ZNRF3: variants seen among roughly 807,000 people sequenced by gnomAD.
The protein encoded by ZNRF3 is zinc and ring finger 3, also known as E3 ubiquitin-protein ligase ZNRF3.
Under a neutral mutation model 72.5 loss-of-function variants are expected in ZNRF3, and 23 were observed. That is an observed-to-expected ratio of 0.32 (90% CI 0.23 to 0.45). The LOEUF is 0.45. Among genes scored for constraint, ZNRF3 ranks in the 20% least tolerant of loss-of-function variants. The probability of loss-of-function intolerance (pLI) is 1.00; values close to 1 mark genes in which losing one functional copy is unlikely to be tolerated. For missense variants in ZNRF3, 1,169 were observed against 1,272.1 expected (o/e 0.92, Z 1.23); for synonymous variants, 610 against 545.3 (o/e 1.12, Z -1.65).
Position 29,043,377 on chromosome 22 carries a change from A to T in ZNRF3, c.580A>T (p.Ile194Phe). Reference protein sequence around the residue: ...KGADAIKLMNIVNKQKVARAR... With the variant: ...KGADAIKLMNFVNKQKVARAR... Reference sequence around the variant, plus strand: ...TGCAGATGCCATTAAGCTGATGAACATCGTCAACAAGCAGAAAGTGGCTCG... The same window carrying T: ...TGCAGATGCCATTAAGCTGATGAACTTCGTCAACAAGCAGAAAGTGGCTCG... Residue 194 changes from isoleucine (I) to phenylalanine (F), a missense_variant, in exon 4 of 9, where the codon ATC becomes TTC. Physicochemically the swap from Ile to Phe is conservative, Grantham distance 21. Coordinates refer to ENST00000544604, the MANE Select transcript of ZNRF3 (RefSeq NM_001206998.2). 6.2e-7 allele frequency: 1 copy of T among 1,613,966 alleles called. No homozygotes were observed. The highest frequency in any genetic ancestry group is 8.5e-7 in the Non-Finnish European group (1 of 1,179,996).
intron 1 of ZNRF3, among the ~76,000 whole-genome samples, chr22:28,964,257 A>G (rs938880574): frequency 6.6e-6 from 1 of 152,236 alleles, no homozygotes; most frequent in Non-Finnish European, 1.5e-5. Context: ...ATGAATGTGT[A>G]TTATGTGTAA....
intron 1 of ZNRF3, among the ~76,000 whole-genome samples, chr22:28,934,327 G>T (rs2034779612): frequency 6.6e-6 from 1 of 152,176 alleles, no homozygotes; most frequent in African/African-American, 2.4e-5. Context: ...AGCTGATGAG[G>T]TGCATTGAGA....
intron 1 of ZNRF3, among the ~76,000 whole-genome samples, chr22:28,893,183 TAAAAA>T: frequency 6.6e-6 from 1 of 152,020 alleles, no homozygotes; most frequent in South Asian, 2.1e-4. Context: ...AATAAAAAAA[TAAAAA>T]ATAAAATTAA....
chr22:29,036,028 G>T (rs1056062118), intron 2 of ZNRF3, among the ~76,000 whole-genome samples: 1 of 152,122 alleles, frequency 6.6e-6, no homozygotes, highest in African/African-American at 2.4e-5. Flanking sequence ...GTGGGCGTGT[G>T]TCTGTAACAC....
chr22:28,905,453 G>A (rs1313951184), intron 1 of ZNRF3, among the ~76,000 whole-genome samples: 3 of 152,148 alleles, frequency 2.0e-5, no homozygotes, highest in African/African-American at 7.2e-5. Flanking sequence ...AAATAACAGA[G>A]AATCAAAGAT....
intron 1 of ZNRF3, among the ~76,000 whole-genome samples, chr22:28,904,254 C>G (rs897550040): frequency 2.0e-5 from 3 of 152,288 alleles, no homozygotes; most frequent in Middle Eastern, 3.4e-3. Flanking sequence ...TTTTACGTTG[C>G]AGGCTTCGAG....
At chr22:29,001,059 C>CTTTTTTTTTTTTTTTT (rs773296494) in intron 2 of ZNRF3, among the ~76,000 whole-genome samples, 1 of 77,954 alleles carries the variant, frequency 1.3e-5, no homozygotes, top group East Asian at 4.8e-4. Flanking sequence ...AAAGCTTTGC[C>CTTTTTTTTTTTTTTTT]TTTTTTTTTT....
chr22:28,955,032 G>GTTTTTTTTTTTTTTTTTTTTTT (rs372334361), intron 1 of ZNRF3, among the ~76,000 whole-genome samples: 6 of 137,166 alleles, frequency 4.4e-5, no homozygotes, highest in Non-Finnish European at 6.1e-5. Context: ...TATTTTTGGT[G>GTTTTTTTTTTTTTTTTTTTTTT]TTTTTTTTTT....
intron 1 of ZNRF3, among the ~76,000 whole-genome samples, chr22:28,959,072 G>A (rs1490322239): frequency 1.3e-5 from 2 of 152,220 alleles, no homozygotes; most frequent in African/African-American, 4.8e-5. Flanking sequence ...TGCTTCTCAA[G>A]TTTTGTCCTG....
chr22:28,926,532 G>A (rs1374135021), intron 1 of ZNRF3, among the ~76,000 whole-genome samples: 1 of 151,326 alleles, frequency 6.6e-6, no homozygotes, highest in Non-Finnish European at 1.5e-5. Context: ...AATAGGCCAG[G>A]CATGGTGGCG....
chr22:28,904,955 T>TC (rs1252223483), intron 1 of ZNRF3, among the ~76,000 whole-genome samples: 10 of 149,230 alleles, frequency 6.7e-5, no homozygotes, highest in South Asian at 2.1e-4. Flanking sequence ...TTTTTTTTTT[T>TC]CTGAGACAGG....
In ZNRF3 at chr22:29,050,688, T is replaced by C; in HGVS notation, c.2507T>C (p.Val836Ala). ...CGCATCCCCATCATTCCAGAGGATG[T>C]GGACTGTGATCTGGGCCTGCCCTCG... Reference protein sequence around the residue: ...SQRIPIIPEDVDCDLGLPSDC... With the variant: ...SQRIPIIPEDADCDLGLPSDC... The change falls in exon 8 of 9, where the codon GTG (valine) becomes GCG (alanine). Residue 836 changes from valine (V) to alanine (A), a missense_variant. By Grantham distance (64) the Val-to-Ala change is moderately conservative. Around this residue, in one of 2 missense-constraint regions of ZNRF3, gnomAD observed 783 missense variants for 731.4 expected, o/e 1.07. Transcript: ENST00000544604. 1 of 1,612,368 alleles carries C rather than the reference T, an allele frequency of 6.2e-7. No homozygotes were observed. Among genetic ancestry groups the C allele is most frequent in the Non-Finnish European group, 8.5e-7 (1 of 1,179,570 alleles).
chr22:28,915,044 C>T (rs1307222939), intron 1 of ZNRF3, among the ~76,000 whole-genome samples: 1 of 152,156 alleles, frequency 6.6e-6, no homozygotes, highest in Admixed American at 6.5e-5. Context: ...TATCAGAAAT[C>T]GTTCTTCCTT....
chr22:28,901,419 G>C (rs1398448277), intron 1 of ZNRF3, among the ~76,000 whole-genome samples: 3 of 152,104 alleles, frequency 2.0e-5, no homozygotes, highest in Admixed American at 1.3e-4. Context: ...GTGATTTGCT[G>C]CTTCTGATTT....
intron 2 of ZNRF3, among the ~76,000 whole-genome samples, chr22:29,037,562 G>A (rs952301284): frequency 6.6e-6 from 1 of 152,160 alleles, no homozygotes; most frequent in African/African-American, 2.4e-5. Flanking sequence ...AGTGGTAAGT[G>A]CCAACCACAA....
At chr22:28,946,450 G>A (rs1468051502) in intron 1 of ZNRF3, among the ~76,000 whole-genome samples, 1 of 152,200 alleles carries the variant, frequency 6.6e-6, no homozygotes, top group Non-Finnish European at 1.5e-5. Flanking sequence ...ACAATAATGT[G>A]TCATCCTTCT....
intron 2 of ZNRF3, chr22:29,031,731 G>A (rs1021800729): frequency 1.9e-4 from 125 of 674,048 alleles, no homozygotes; most frequent in Non-Finnish European, 2.2e-4. Flanking sequence ...CGCCAAGAGG[G>A]ACCTGTGGGC....
At chr22:28,937,953 G>A (rs1332947009) in intron 1 of ZNRF3, among the ~76,000 whole-genome samples, 1 of 152,142 alleles carries the variant, frequency 6.6e-6, no homozygotes, top group Non-Finnish European at 1.5e-5. Flanking sequence ...CCAGCACCCA[G>A]TTTCTCTTAC....
At chr22:29,041,903 G>A (rs2036969920) in intron 2 of ZNRF3, among the ~76,000 whole-genome samples, 1 of 152,114 alleles carries the variant, frequency 6.6e-6, no homozygotes, top group Admixed American at 6.5e-5. Context: ...TGGACCAAAG[G>A]CACTTGCTTT....
Sources: gnomAD v4.1 joint callset for allele counts (sites outside exome capture counted in the v4.1 genomes callset) on GRCh38, gnomAD v4.1.1 for gene constraint, gnomAD v4.1.1 regional missense constraint, MANE v1.5 for transcripts, NCBI Gene and HGNC (gene_info 2026-07-23, HGNC 2026-07-21) for gene names.